The following LRP1B variants were observed in gnomAD, a reference collection of about 807,000 sequenced individuals.
LRP1B encodes LDL receptor related protein 1B.
LRP1B carries 217 observed loss-of-function variants against 556.6 expected under a neutral mutation model. The ratio of observed to expected loss-of-function variants is 0.39; its 90% CI spans 0.35 to 0.44. The LOEUF (loss-of-function observed/expected upper bound fraction) is 0.44. Ranked by LOEUF, LRP1B falls within the 20% of genes least tolerant of loss-of-function variation. LRP1B has a pLI of 1.00. For missense variants in LRP1B, 5,053 were observed against 5,620.8 expected, an observed-to-expected ratio of 0.90 and a Z score of 3.23; for synonymous variants, 2,047 against 1,865.8, an observed-to-expected ratio of 1.10 and a Z score of -2.50.
At chr2:141,122,436 A>G (rs898327731) in intron 7 of LRP1B, among the ~76,000 whole-genome samples, 103 of 152,080 alleles carry the variant, frequency 6.8e-4, no homozygotes, top group East Asian at 3.9e-3. Context: ...AAAAGTGGGC[A>G]AAGGATATGA....
At chr2:140,973,052 T>TTATATATATA (rs200336213) in intron 18 of LRP1B, among the ~76,000 whole-genome samples, 2,919 of 138,332 alleles carry the variant, frequency 0.021, 32 homozygotes, top group South Asian at 0.031. Flanking sequence ...ATATTTCATT[T>TTATATATATA]TATATATATA....
chr2:140,503,980 C>T (rs775277641), intron 53 of LRP1B, among the ~76,000 whole-genome samples: 9 of 152,076 alleles, frequency 5.9e-5, no homozygotes, highest in South Asian at 2.1e-4. Context: ...CTTAGCTACC[C>T]TAGTATTTCT....
At chr2:141,797,195 A>G (rs1181095019) in intron 2 of LRP1B, among the ~76,000 whole-genome samples, 1 of 138,412 alleles carries the variant, frequency 7.2e-6, no homozygotes, top group Non-Finnish European at 1.6e-5. Context: ...ATAACTATAT[A>G]TATCTTCAGG....
intron 3 of LRP1B, among the ~76,000 whole-genome samples, chr2:141,385,483 A>G (rs1689798455): frequency 6.6e-6 from 1 of 152,184 alleles, no homozygotes; most frequent in African/African-American, 2.4e-5. Flanking sequence ...TATACTGCAG[A>G]AAAAGTGCCT....
intron 1 of LRP1B, among the ~76,000 whole-genome samples, chr2:142,109,741 C>T (rs1706889870): frequency 6.6e-6 from 1 of 152,078 alleles, no homozygotes; most frequent in Admixed American, 6.6e-5. Flanking sequence ...GTTTTAATTG[C>T]TTTGCATGAA....
chr2:141,182,775 C>T lies in LRP1B; in HGVS notation c.1013+5646G>A, dbSNP rs1369606215. On this transcript the variant is annotated intron_variant, in intron 7 of 90. Transcript: ENST00000389484. ...GATTGTGGATAGCTAAGTCACATTG[C>T]TGGTTGGAAGTAGTTAAGAAGTTAG... Among the ~76,000 whole-genome samples, 5 of 151,476 alleles carry T rather than the reference C, an allele frequency of 3.3e-5. No homozygotes were observed. In the East Asian group the frequency reaches 9.8e-4, roughly 30 times the overall value.
At chr2:140,586,656 A>G (rs1452896559) in intron 43 of LRP1B, 1 of 152,220 alleles carries the variant, frequency 6.6e-6, no homozygotes, top group Non-Finnish European at 1.5e-5. Flanking sequence ...GAGGAGTCCC[A>G]ATTTCATCTC....
At chr2:141,736,776 C>A (rs867823559) in intron 2 of LRP1B, among the ~76,000 whole-genome samples, 1 of 152,120 alleles carries the variant, frequency 6.6e-6, no homozygotes, top group African/African-American at 2.4e-5. Flanking sequence ...AGGTTGGTAG[C>A]AGTTAAGGCA....
chr2:141,015,768 G>A lies in LRP1B; in HGVS notation c.2118C>T (p.Thr706=), dbSNP rs1305804010. 3.1e-6 allele frequency: 5 copies of A among 1,613,226 alleles called. No individual in the cohort carries two copies. In the African/African-American group the frequency reaches 5.3e-5, roughly 17 times the overall value. ...AGGCATCACACCAGTATAATGTGTT[G>A]GTGTGAAAGTCCAGAGTTAAACCGT... ...WPNGLTLDFH[T]NTLYWCDAYY... is the part of the protein sequence containing the mutation. Residue 706 remains threonine, a synonymous_variant, in exon 13 of 91, where the codon ACC becomes ACT. Transcript: ENST00000389484.
At chr2:141,275,917 T>C (rs1038659711) in intron 3 of LRP1B, among the ~76,000 whole-genome samples, 8 of 152,004 alleles carry the variant, frequency 5.3e-5, no homozygotes, top group Admixed American at 3.3e-4. Flanking sequence ...TACATATATA[T>C]ATATATACAC....
At chr2:141,339,514 T>G (rs145515149) in intron 3 of LRP1B, among the ~76,000 whole-genome samples, 1,779 of 152,246 alleles carry the variant, frequency 0.012, 22 homozygotes, top group Middle Eastern at 0.02. Flanking sequence ...ACCTCAGTTT[T>G]CTCATCTGAA....
At chr2:141,609,201 G>T (rs1337707058) in intron 2 of LRP1B, among the ~76,000 whole-genome samples, 2 of 151,882 alleles carry the variant, frequency 1.3e-5, no homozygotes, top group Admixed American at 6.6e-5. Context: ...TCCTAATATG[G>T]CCAAATTCAA....
chr2:140,642,142 G>C (rs532250288), intron 41 of LRP1B, among the ~76,000 whole-genome samples: 26 of 152,242 alleles, frequency 1.7e-4, no homozygotes, highest in African/African-American at 4.8e-4. Context: ...TTGAGAATCT[G>C]CCCCACTCTT....
intron 3 of LRP1B, among the ~76,000 whole-genome samples, chr2:141,403,835 A>G (rs527535620): frequency 1.6e-3 from 247 of 152,272 alleles, no homozygotes; most frequent in Non-Finnish European, 2.8e-3. Context: ...ATGTATGTAT[A>G]GACAGACTTC....
At chr2:141,924,838 G>A (rs1181060661) in intron 1 of LRP1B, among the ~76,000 whole-genome samples, 2 of 152,160 alleles carry the variant, frequency 1.3e-5, no homozygotes, top group Non-Finnish European at 2.9e-5. Context: ...GTTTTAATAT[G>A]TAGTCCTATG....
chr2:142,066,604 GTA>G (rs1254267001), intron 1 of LRP1B, among the ~76,000 whole-genome samples: 13 of 151,386 alleles, frequency 8.6e-5, no homozygotes, highest in Admixed American at 2.0e-4. Flanking sequence ...CTCTAATGTG[GTA>G]TGTTTTCCCT....
intron 2 of LRP1B, among the ~76,000 whole-genome samples, chr2:141,629,642 G>T (rs1381505788): frequency 1.3e-5 from 2 of 151,934 alleles, no homozygotes; most frequent in Admixed American, 1.3e-4. Context: ...CAAATATACT[G>T]CCTTCACCCT....
In LRP1B at chr2:140,271,938, A is replaced by G. The variant is rs1682478570; in HGVS notation, c.13143-1592T>C. ...TTGTTTTATCAAAGGAACAGCCTCA[A>G]AAGGGAAAATTAGCTCATTATACAT... On this transcript the variant is annotated intron_variant, in intron 85 of 90. Coordinates refer to ENST00000389484, the MANE Select transcript of LRP1B (RefSeq NM_018557.3). Among the ~76,000 whole-genome samples, 4 of 151,886 alleles carry G rather than the reference A, an allele frequency of 2.6e-5. No homozygotes were observed. In the Admixed American group the frequency reaches 2.6e-4, roughly 10 times the overall value.
At chr2:140,955,903 G>A (rs941005600) in intron 18 of LRP1B, among the ~76,000 whole-genome samples, 2 of 151,544 alleles carry the variant, frequency 1.3e-5, no homozygotes, top group Non-Finnish European at 3.0e-5. Flanking sequence ...ATATTTTTAA[G>A]TAATTTGTTA....
Sources: allele counts gnomAD v4.1 joint callset (sites outside exome capture counted in the v4.1 genomes callset), GRCh38; gene constraint gnomAD v4.1.1; transcripts MANE v1.5; gene names NCBI Gene and HGNC (gene_info 2026-07-23, HGNC 2026-07-21).